HRG: variants seen among roughly 807,000 people sequenced by gnomAD.
HRG encodes the protein histidine rich glycoprotein, also known as histidine-rich glycoprotein.
A neutral mutation model predicts 29.5 loss-of-function variants in HRG; 26 were observed. The ratio of observed to expected loss-of-function variants is 0.88; its 90% CI spans 0.65 to 1.22. The LOEUF is 1.22. Among genes scored for constraint, HRG ranks in the 50% most tolerant of loss-of-function variants. The pLI is 0.00. For missense variants in HRG, 671 were observed against 654.5 expected (o/e 1.03, Z -0.28); for synonymous variants, 243 against 240.4 (o/e 1.01, Z -0.10).
chr3:186,667,011 A>G (rs534262435), intron 1 of HRG: 2 of 152,350 alleles, frequency 1.3e-5, no homozygotes, highest in East Asian at 3.9e-4. Context: ...ATATCCAAAG[A>G]AACTGGCCAC....
At position 186,677,057 on chromosome 3, in the gene HRG, A is replaced by G. The variant is rs1211925782; in HGVS notation, c.752A>G (p.Asn251Ser). The G allele has an allele frequency of 1.2e-6, 2 of 1,614,076 alleles. No individual in the cohort carries two copies. Among genetic ancestry groups the G allele is most frequent in the Non-Finnish European group, 8.5e-7 (1 of 1,179,952 alleles). Residue 251 changes from asparagine to serine, a missense_variant, in exon 7 of 7, where the codon AAC becomes AGC. By Grantham distance (46) the Asn-to-Ser change is conservative (BLOSUM62 1). Coordinates refer to ENST00000232003, the MANE Select transcript of HRG (RefSeq NM_000412.5). ...CEVFDPQEHE[N>S]INGVPPHLGH... Reference sequence around the variant, plus strand: ...TGTGACCTTTTCCAGGAACATGAGAACATCAATGGTGTACCGCCTCATTTG... The same window carrying G: ...TGTGACCTTTTCCAGGAACATGAGAGCATCAATGGTGTACCGCCTCATTTG...
intron 5 of HRG, 177 bp from the exon 6 acceptor site, chr3:186,674,912 C>T: frequency 1.5e-6 from 1 of 672,522 alleles, no homozygotes; most frequent in Non-Finnish European, 2.8e-6. Flanking sequence ...ACCACCTGCA[C>T]TTTCCCCAAA....
intron 3 of HRG, among the ~76,000 whole-genome samples, chr3:186,671,241 AT>A (rs11316946): frequency 0.99 from 144,973 of 147,148 alleles, 71,455 homozygotes; most frequent in Middle Eastern, 1. Context: ...TAAATATATG[AT>A]TATATAATAT....
At chr3:186,675,287 GT>G (rs1389139589) in intron 6 of HRG, 97 bp downstream of exon 6, 54 of 330,146 alleles carry the variant, frequency 1.6e-4, no homozygotes, top group South Asian at 5.8e-4. Flanking sequence ...ATGAGTGGGT[GT>G]GTGTGTGTGT....
At chr3:186,676,190 A>T (rs1202749132) in intron 6 of HRG, among the ~76,000 whole-genome samples, 1 of 151,920 alleles carries the variant, frequency 6.6e-6, no homozygotes, top group Non-Finnish European at 1.5e-5. Context: ...TTTTTAAAAA[A>T]TTAAACTCTG....
At chr3:186,672,628 T>C (rs1195304752) in intron 4 of HRG, among the ~76,000 whole-genome samples, 159 bp from the exon 5 acceptor site, 1 of 152,252 alleles carries the variant, frequency 6.6e-6, no homozygotes, top group Non-Finnish European at 1.5e-5. Flanking sequence ...ACTTAGGTGA[T>C]ACATTTTTAA....
chr3:186,667,506 G>C (rs900040213), intron 1 of HRG, among the ~76,000 whole-genome samples: 1 of 152,058 alleles, frequency 6.6e-6, no homozygotes, highest in Admixed American at 6.6e-5. Flanking sequence ...ACCATACTTT[G>C]AGATACCATG....
chr3:186,673,189 C>T (rs996355728), intron 5 of HRG: 11 of 377,746 alleles, frequency 2.9e-5, no homozygotes, highest in East Asian at 2.5e-4. Context: ...CTGCAACCTC[C>T]GCCTCCCGGG....
At chr3:186,668,311 G>A (rs1718675075) in intron 1 of HRG, among the ~76,000 whole-genome samples, 1 of 152,094 alleles carries the variant, frequency 6.6e-6, no homozygotes, top group East Asian at 1.9e-4. Flanking sequence ...TGGGAGTCAG[G>A]GCAATGAGAC....
At chr3:186,666,275 C>T in intron 1 of HRG, 61 bp downstream of exon 1, 1 of 1,539,584 alleles carries the variant, frequency 6.5e-7, no homozygotes. Context: ...AAATGTGACT[C>T]TACCCCCTAG....
At position 186,677,234 on chromosome 3, in the gene HRG, C is replaced by T. The variant is rs1228139759; in HGVS notation, c.929C>T (p.Pro310Leu). 1.2e-6 allele frequency: 2 copies of T among 1,613,932 alleles called. No homozygotes were observed. The highest frequency in any genetic ancestry group is 8.5e-7 in the Non-Finnish European group (1 of 1,180,008). ...GATGAAAGAGATCACTCACATGGAC[C>T]CCCACTTCCACAAGGCCCTCCTCCA... ...PPDERDHSHG[P>L]PLPQGPPPLL... The change falls in exon 7 of 7, where the codon CCC (proline) becomes CTC (leucine). Residue 310 changes from proline (P) to leucine (L), a missense_variant. Pro to Leu is a moderately conservative substitution (Grantham distance 98). Coordinates refer to ENST00000232003, the MANE Select transcript of HRG (RefSeq NM_000412.5).
intron 3 of HRG, among the ~76,000 whole-genome samples, chr3:186,670,989 TCTC>T (rs1482769634): frequency 6.6e-6 from 1 of 152,004 alleles, no homozygotes; most frequent in Non-Finnish European, 1.5e-5. Context: ...ATCTGTATCT[TCTC>T]CTCTCTCTGG....
chr3:186,673,364 T>C, intron 5 of HRG: 1 of 215,082 alleles, frequency 4.6e-6, no homozygotes, highest in Non-Finnish European at 9.4e-6. Context: ...CGGCTGGGAT[T>C]ACAAATCAAA....
intron 6 of HRG, among the ~76,000 whole-genome samples, chr3:186,676,250 G>A (rs1374805276): frequency 6.6e-6 from 1 of 152,022 alleles, no homozygotes; most frequent in East Asian, 1.9e-4. Flanking sequence ...AGGAGTAAGG[G>A]ATGTTGATAC....
intron 6 of HRG, among the ~76,000 whole-genome samples, chr3:186,676,614 G>C (rs536035965): frequency 3.2e-4 from 48 of 151,232 alleles, no homozygotes; most frequent in Non-Finnish European, 5.6e-4. Context: ...CAAAAATTAG[G>C]AGTCTGGGCA....
intron 5 of HRG, chr3:186,673,068 C>T (rs954635567): frequency 3.2e-5 from 21 of 647,190 alleles, no homozygotes; most frequent in African/African-American, 2.4e-4. Context: ...ACCTGCCAGG[C>T]ACTCTTCTAA....
At position 186,677,382 on chromosome 3, in the gene HRG, G is replaced by GCATCCCCACGGACAC; in HGVS notation, c.1086_1100dup (p.Gly363_His367dup). ...CCCATAAGCATCATTCCCATGAACA[G>GCATCCCCACGGACAC]CATCCCCACGGACACCATCCCCATG... On this transcript the variant is annotated inframe_insertion, in exon 7 of 7. Transcript: ENST00000232003. 2 of 1,613,066 alleles carry GCATCCCCACGGACAC rather than the reference G, an allele frequency of 1.2e-6. No individual in the cohort carries two copies. The highest frequency in any genetic ancestry group is 1.7e-6 in the Non-Finnish European group (2 of 1,179,640).
chr3:186,677,292 T>A lies in HRG; in HGVS notation c.987T>A (p.His329Gln). 1 of 1,614,182 alleles carries A rather than the reference T, an allele frequency of 6.2e-7. No homozygotes were observed. The highest frequency in any genetic ancestry group is 1.1e-5 in the South Asian group (1 of 91,082). ...CCATGTCCTGCTCAAGTTGTCAACA[T>A]GCCACTTTTGGCACAAATGGGGCCC... ...LLPMSCSSCQ[H>Q]ATFGTNGAQR... is the part of the protein sequence containing the mutation. The change falls in exon 7 of 7, where the codon CAT becomes CAA. Residue 329 changes from histidine to glutamine, a missense_variant. By Grantham distance (24) the His-to-Gln change is conservative. Coordinates refer to ENST00000232003, the MANE Select transcript of HRG (RefSeq NM_000412.5).
At chr3:186,666,739 C>T (rs1198953911) in intron 1 of HRG, among the ~76,000 whole-genome samples, 1 of 151,942 alleles carries the variant, frequency 6.6e-6, no homozygotes, top group Non-Finnish European at 1.5e-5. Context: ...ATGGTGAAAC[C>T]CTGTCTCTAC....
Sources: gnomAD v4.1 joint callset for allele counts (sites outside exome capture counted in the v4.1 genomes callset) on GRCh38, gnomAD v4.1.1 for gene constraint, MANE v1.5 for transcripts, NCBI Gene and HGNC (gene_info 2026-07-23, HGNC 2026-07-21) for gene names.